FOLH1: variants seen among roughly 807,000 people sequenced by gnomAD.
The protein encoded by FOLH1 is glutamate carboxypeptidase 2.
In FOLH1, 54 loss-of-function variants were observed where a neutral mutation model predicts 93.9. That is an observed-to-expected ratio of 0.57 (90% CI 0.46 to 0.72). FOLH1 has a LOEUF of 0.72. Among genes scored for constraint, FOLH1 ranks in the 30% least tolerant of loss-of-function variants. The pLI, the probability that FOLH1 is intolerant of heterozygous loss-of-function variation, is 0.00. For synonymous variants in FOLH1, 249 were observed against 303.6 expected (o/e 0.82, Z 1.87); for missense variants, 571 against 892.5 (o/e 0.64, Z 4.59).
rs1271789175 is a variant in FOLH1, at chr11:49,192,845, A to G, written c.461T>C (p.Val154Ala). Residue 154 changes from valine (V) to alanine (A), a missense_variant, in exon 4 of 19, where the codon GTT becomes GCT. Val to Ala is a moderately conservative substitution (Grantham distance 64). This residue lies in a region of FOLH1 where 500 missense variants were observed against 822.9 expected (regional missense o/e 0.61). Coordinates refer to ENST00000256999, the MANE Select transcript of FOLH1 (RefSeq NM_004476.3). ...ACTGAAAGGTGGTACAATATCCGAA[A>G]CATTTTCATATCCTGGAGGAGGTGG... is the stretch of plus-strand genomic sequence containing the variant. Reference protein sequence around the residue: ...FEPPPPGYENVSDIVPPFSAF... With the variant: ...FEPPPPGYENASDIVPPFSAF... 1.2e-6 allele frequency: 2 copies of G among 1,607,896 alleles called. No homozygotes were observed. Among genetic ancestry groups the G allele is most frequent in the African/African-American group, 1.3e-5 (1 of 74,726 alleles).
intron 2 of FOLH1, among the ~76,000 whole-genome samples, chr11:49,204,907 TA>T (rs986344906): frequency 4.0e-5 from 6 of 151,062 alleles, no homozygotes; most frequent in East Asian, 1.9e-4. Context: ...ATCTCATGCT[TA>T]AAAAAAAAGC....
intron 15 of FOLH1, among the ~76,000 whole-genome samples, chr11:49,156,039 T>C (rs1357373234): frequency 1.3e-5 from 2 of 151,540 alleles, no homozygotes; most frequent in Admixed American, 6.6e-5. Flanking sequence ...ATAAGTCTCA[T>C]GTGAGCTGAT....
At chr11:49,184,026 C>T (rs773052676) in intron 6 of FOLH1, among the ~76,000 whole-genome samples, 2 of 152,236 alleles carry the variant, frequency 1.3e-5, no homozygotes, top group African/African-American at 2.4e-5. Context: ...AAAATAAGCA[C>T]ACACATCCTA....
chr11:49,178,987 A>C (rs994455305), intron 7 of FOLH1, among the ~76,000 whole-genome samples: 4 of 152,232 alleles, frequency 2.6e-5, no homozygotes, highest in African/African-American at 9.6e-5. Context: ...ATCACTCAGA[A>C]GAAAATACAT....
intron 4 of FOLH1, among the ~76,000 whole-genome samples, chr11:49,189,830 A>T (rs1861830192): frequency 6.6e-6 from 1 of 152,248 alleles, no homozygotes; most frequent in Admixed American, 6.5e-5. Flanking sequence ...GAAAAAATTA[A>T]AAAGCATTTA....
chr11:49,165,085 C>T (rs1246388861), intron 12 of FOLH1, among the ~76,000 whole-genome samples: 2 of 152,126 alleles, frequency 1.3e-5, no homozygotes, highest in East Asian at 1.9e-4. Context: ...GCATGACTTA[C>T]TCCTCCTCCT....
chr11:49,163,527 T>C (rs796593353), intron 13 of FOLH1, among the ~76,000 whole-genome samples: 1 of 134,690 alleles, frequency 7.4e-6, no homozygotes, highest in East Asian at 2.6e-4. Flanking sequence ...CAAGAGCTCT[T>C]TCCCAGATAG....
chr11:49,182,862 A>C (rs643436), intron 7 of FOLH1, among the ~76,000 whole-genome samples: 135,446 of 151,876 alleles, frequency 0.89, 60,419 homozygotes, highest in South Asian at 0.95. Flanking sequence ...GGTCTTGACA[A>C]AAATATAGTG....
chr11:49,155,795 C>CATGTATATAT (rs1254674003), intron 15 of FOLH1, among the ~76,000 whole-genome samples: 2 of 52,130 alleles, frequency 3.8e-5, no homozygotes, highest in African/African-American at 9.9e-5. Context: ...AAATGAAAAC[C>CATGTATATAT]ATATATATAT....
chr11:49,166,358 T>C (rs1858406926), intron 12 of FOLH1, among the ~76,000 whole-genome samples: 1 of 152,220 alleles, frequency 6.6e-6, no homozygotes, highest in Non-Finnish European at 1.5e-5. Flanking sequence ...CTGTGTGGCC[T>C]TGGGAAAATT....
chr11:49,191,999 A>G (rs1862106987), intron 4 of FOLH1, among the ~76,000 whole-genome samples: 2 of 152,336 alleles, frequency 1.3e-5, no homozygotes, highest in Middle Eastern at 6.8e-3. Flanking sequence ...TCACTGCTCA[A>G]TACATTTCAG....
At chr11:49,208,241 G>A in intron 1 of FOLH1, 51 bp downstream of exon 1, 2 of 1,313,922 alleles carry the variant, frequency 1.5e-6, no homozygotes, top group Non-Finnish European at 2.1e-6. Context: ...TCCCAGCACC[G>A]CGGCACCACG....
intron 12 of FOLH1, among the ~76,000 whole-genome samples, chr11:49,165,892 A>G (rs1565153467): frequency 6.6e-6 from 1 of 152,254 alleles, no homozygotes; most frequent in Non-Finnish European, 1.5e-5. Context: ...AGAAGTGCTT[A>G]TAAGAGTGGA....
chr11:49,159,880 T>A (rs1445289769), intron 13 of FOLH1, among the ~76,000 whole-genome samples: 1 of 151,860 alleles, frequency 6.6e-6, no homozygotes, highest in African/African-American at 2.4e-5. Context: ...TTCCAGGAAT[T>A]TATCCTTTTT....
At chr11:49,190,313 A>G (rs61886511) in intron 4 of FOLH1, among the ~76,000 whole-genome samples, 1 of 152,210 alleles carries the variant, frequency 6.6e-6, no homozygotes, top group East Asian at 1.9e-4. Flanking sequence ...AACAAGTGTG[A>G]CAGATATTCC....
At chr11:49,188,202 G>T (rs2135220311) in intron 4 of FOLH1, among the ~76,000 whole-genome samples, 2 of 152,168 alleles carry the variant, frequency 1.3e-5, no homozygotes, top group South Asian at 2.1e-4. Context: ...ATTGTGTTAA[G>T]AAACAGCTTC....
intron 17 of FOLH1, among the ~76,000 whole-genome samples, chr11:49,150,756 T>C (rs1856418445): frequency 6.6e-6 from 1 of 152,174 alleles, no homozygotes; most frequent in Non-Finnish European, 1.5e-5. Context: ...TGAAAGTTTA[T>C]CAGCAAGCTC....
At chr11:49,190,938 T>C (rs1461094633) in intron 4 of FOLH1, among the ~76,000 whole-genome samples, 2 of 152,212 alleles carry the variant, frequency 1.3e-5, no homozygotes, top group Non-Finnish European at 1.5e-5. Context: ...TAAATGAATG[T>C]GATCTATTGA....
intron 7 of FOLH1, among the ~76,000 whole-genome samples, chr11:49,178,160 G>T (rs1201967753): frequency 1.3e-5 from 2 of 152,104 alleles, no homozygotes; most frequent in Admixed American, 6.5e-5. Flanking sequence ...CTATGCAAAT[G>T]ACACACCTGG....
Sources: allele counts gnomAD v4.1 joint callset (sites outside exome capture counted in the v4.1 genomes callset), GRCh38; gene constraint gnomAD v4.1.1; regional missense constraint gnomAD v4.1.1; transcripts MANE v1.5; gene names NCBI Gene and HGNC (gene_info 2026-07-23, HGNC 2026-07-21).